PRDM10: variants seen among roughly 807,000 people sequenced by gnomAD.
PRDM10 encodes the protein PR domain zinc finger protein 10.
In PRDM10, 65 loss-of-function variants were observed where a neutral mutation model predicts 133.1. That is an observed-to-expected ratio of 0.49 (90% confidence interval 0.40 to 0.60). The LOEUF (loss-of-function observed/expected upper bound fraction) is 0.60, where lower values mean the gene tolerates loss of function less well. Ranked by LOEUF, PRDM10 falls within the 20% of genes least tolerant of loss-of-function variation. The probability of loss-of-function intolerance (pLI) is 0.00; values close to 1 mark genes in which losing one functional copy is unlikely to be tolerated. For synonymous variants in PRDM10, 582 were observed against 580.4 expected (o/e 1.00, Z -0.04); for missense variants, 1,137 against 1,507.1 (o/e 0.75, Z 4.07).
intron 1 of PRDM10, among the ~76,000 whole-genome samples, chr11:129,974,336 G>A (rs1250016076): frequency 6.6e-6 from 1 of 152,108 alleles, no homozygotes; most frequent in Non-Finnish European, 1.5e-5. Flanking sequence ...GAGAAGAAAA[G>A]AGAGGAAAGC....
At position 129,912,163 on chromosome 11, in the gene PRDM10, C is replaced by G; in HGVS notation, c.2904G>C (p.Gln968His). 6.2e-7 allele frequency: 1 copy of G among 1,612,380 alleles called. No homozygotes were observed. Among genetic ancestry groups the G allele is most frequent in the South Asian group, 1.1e-5 (1 of 90,896 alleles). ...TVDVGQLHDPQPYPQHAIQVQ... is the reference protein window; with the variant it reads ...TVDVGQLHDPHPYPQHAIQVQ... ...CCTGGATGGCGTGCTGGGGGTAGGG[C>G]TGAGGATCATGGAGCTGGCCAACAT... The change falls in exon 18 of 21, where the codon CAG becomes CAC. Residue 968 changes from glutamine (Q) to histidine (H), a missense_variant. Gln to His is a conservative substitution (Grantham distance 24, BLOSUM62 0). Around this residue, in one of 6 missense-constraint regions of PRDM10, gnomAD observed 243 missense variants for 259.2 expected, o/e 0.94. Transcript: ENST00000360871.
intron 1 of PRDM10, among the ~76,000 whole-genome samples, chr11:129,988,872 GCCCGCCTTGGCCTCCCA>G (rs1043423252): frequency 7.1e-6 from 1 of 140,312 alleles, no homozygotes; most frequent in African/African-American, 3.2e-5. Flanking sequence ...CTCGTGATCC[GCCCGCCTTGGCCTCCCA>G]AAGTGCTGGG....
In PRDM10 at chr11:129,960,924, G is replaced by A. The variant is rs1951784112; in HGVS notation, c.41C>T (p.Ser14Phe). 1 of 1,614,160 alleles carries A rather than the reference G, an allele frequency of 6.2e-7. No homozygotes were observed. The highest frequency in any genetic ancestry group is 1.6e-4 in the Middle Eastern group (1 of 6,062). The change falls in exon 2 of 21, where the codon TCT (serine) becomes TTT (phenylalanine). Residue 14 changes from serine to phenylalanine, a missense_variant. This residue lies in a region of PRDM10 where 635 missense variants were observed against 835.2 expected (regional missense o/e 0.76). Transcript: ENST00000360871. ...KDESSHVWPT[S>F]AEHEQNAAQV... ...TGCGGCATTCTGTTCATGCTCTGCAGATGTCGGCCACACATGCGAGCTTTC... is the reference window on the plus strand; with the variant it reads ...TGCGGCATTCTGTTCATGCTCTGCAAATGTCGGCCACACATGCGAGCTTTC...
chr11:129,915,549 C>T lies in PRDM10; in HGVS notation c.2526+111G>A, dbSNP rs992046296. On this transcript the variant is annotated intron_variant, in intron 16 of 20. Coordinates refer to ENST00000360871, the MANE Select transcript of PRDM10 (RefSeq NM_199437.2). ...CTAGGACAACATCTCTTTCAGTCCCCCGTCAACTCAGAAGGAGCCATCCAG... is the reference window on the plus strand; with the variant it reads ...CTAGGACAACATCTCTTTCAGTCCCTCGTCAACTCAGAAGGAGCCATCCAG... The T allele has an allele frequency of 5.1e-5, 60 of 1,180,702 alleles. No individual in the cohort carries two copies. The African/African-American group carries it at 9.1e-4, about 18-fold the overall frequency. 73.1% of individuals were successfully genotyped at this position (1,180,702 alleles called of 1,614,324 possible).
intron 8 of PRDM10, 148 bp from the exon 9 acceptor site, chr11:129,935,366 C>A: frequency 1.7e-6 from 1 of 597,554 alleles, no homozygotes; most frequent in Non-Finnish European, 2.9e-6. Flanking sequence ...ACTGTTCTAT[C>A]AAATCAAAAG....
chr11:129,948,295 C>A (rs898126810), intron 4 of PRDM10, among the ~76,000 whole-genome samples: 9 of 152,204 alleles, frequency 5.9e-5, no homozygotes, highest in African/African-American at 9.7e-5. Flanking sequence ...CAAGGTCATA[C>A]TCAAGCCATG....
chr11:129,972,173 G>A (rs1952045876), intron 1 of PRDM10, among the ~76,000 whole-genome samples: 2 of 152,166 alleles, frequency 1.3e-5, no homozygotes, highest in South Asian at 2.1e-4. Context: ...CAAGCGCCGC[G>A]CGCAGCCCCG....
chr11:129,950,160 C>T (rs1951546092), intron 4 of PRDM10, among the ~76,000 whole-genome samples: 1 of 151,174 alleles, frequency 6.6e-6, no homozygotes, highest in Non-Finnish European at 1.5e-5. Context: ...TCATTTGAGC[C>T]CAGGAGGTTG....
chr11:129,928,063 A>T (rs1239949434), intron 11 of PRDM10, among the ~76,000 whole-genome samples: 1 of 152,224 alleles, frequency 6.6e-6, no homozygotes, highest in Non-Finnish European at 1.5e-5. Context: ...AAGACAACAG[A>T]TTATTTGTAG....
intron 4 of PRDM10, among the ~76,000 whole-genome samples, chr11:129,951,812 C>A (rs1262192055): frequency 6.6e-6 from 1 of 152,084 alleles, no homozygotes; most frequent in Admixed American, 6.5e-5. Flanking sequence ...TGCCTGGAGA[C>A]CACTGATGCC....
intron 11 of PRDM10, among the ~76,000 whole-genome samples, chr11:129,927,971 T>C (rs1312988353): frequency 6.6e-6 from 1 of 152,190 alleles, no homozygotes; most frequent in East Asian, 1.9e-4. Flanking sequence ...TCTACATATA[T>C]ATCAGCTACT....
intron 11 of PRDM10, among the ~76,000 whole-genome samples, chr11:129,926,081 C>T (rs1384024879): frequency 1.3e-5 from 2 of 152,220 alleles, no homozygotes; most frequent in African/African-American, 4.8e-5. Context: ...ATGCTAACAA[C>T]GTTAAGCTCA....
At chr11:129,907,529 T>A (rs777380926) in intron 19 of PRDM10, among the ~76,000 whole-genome samples, 3 of 151,930 alleles carry the variant, frequency 2.0e-5, no homozygotes, top group Non-Finnish European at 4.4e-5. Flanking sequence ...CTTGGCCTCC[T>A]GAGTAACTGG....
chr11:129,922,602 T>G (rs192114358), intron 13 of PRDM10, among the ~76,000 whole-genome samples: 1 of 152,336 alleles, frequency 6.6e-6, no homozygotes, highest in Admixed American at 6.5e-5. Flanking sequence ...CCTACAATCA[T>G]TTTCAGCAGA....
chr11:129,919,357 G>A (rs978990791), intron 13 of PRDM10, among the ~76,000 whole-genome samples: 7 of 152,114 alleles, frequency 4.6e-5, no homozygotes, highest in Admixed American at 4.6e-4. Context: ...ACAGAGCAAG[G>A]CTCTGTCAAA....
intron 4 of PRDM10, among the ~76,000 whole-genome samples, chr11:129,949,629 T>C (rs996827144): frequency 1.2e-4 from 18 of 152,222 alleles, no homozygotes; most frequent in Middle Eastern, 6.8e-3. Flanking sequence ...CTTATCAAAC[T>C]CTAAAAAGAG....
intron 13 of PRDM10, among the ~76,000 whole-genome samples, chr11:129,922,459 AAC>A (rs1409708035): frequency 6.6e-6 from 1 of 152,218 alleles, no homozygotes; most frequent in Non-Finnish European, 1.5e-5. Flanking sequence ...TATATTCTAT[AAC>A]ACACTTACCA....
chr11:129,963,455 A>AGAAGAG (rs1296120595), intron 1 of PRDM10, among the ~76,000 whole-genome samples: 3 of 151,640 alleles, frequency 2.0e-5, no homozygotes, highest in South Asian at 2.1e-4. Context: ...AGAAGAGAAG[A>AGAAGAG]AGTCATAACA....
chr11:129,997,330 A>C (rs557232238), intron 1 of PRDM10, among the ~76,000 whole-genome samples: 13 of 152,180 alleles, frequency 8.5e-5, no homozygotes, highest in African/African-American at 2.9e-4. Context: ...AAATACAAAA[A>C]TTAGCCAGGC....
Sources: gnomAD v4.1 joint callset for allele counts (sites outside exome capture counted in the v4.1 genomes callset) on GRCh38, gnomAD v4.1.1 for gene constraint, gnomAD v4.1.1 regional missense constraint, MANE v1.5 for transcripts, NCBI Gene and HGNC (gene_info 2026-07-23, HGNC 2026-07-21) for gene names.